CPEB3: variants seen among roughly 807,000 people sequenced by gnomAD.
CPEB3 encodes the protein cytoplasmic polyadenylation element-binding protein 3.
A neutral mutation model predicts 67.2 loss-of-function variants in CPEB3; 20 were observed. The observed-to-expected ratio is 0.30, with a 90% CI of 0.21 to 0.43. The LOEUF is 0.43. Ranked by LOEUF, CPEB3 falls within the 20% of genes least tolerant of loss-of-function variation. The probability of loss-of-function intolerance (pLI) is 1.00; values close to 1 mark genes in which losing one functional copy is unlikely to be tolerated. For missense variants in CPEB3, 746 were observed against 968.6 expected, an observed-to-expected ratio of 0.77 and a Z score of 3.05; for synonymous variants, 376 against 393.1, an observed-to-expected ratio of 0.96 and a Z score of 0.51.
chr10:92,113,038 C>A (rs1844829561), intron 6 of CPEB3, among the ~76,000 whole-genome samples: 1 of 152,034 alleles, frequency 6.6e-6, no homozygotes, highest in Admixed American at 6.6e-5. Context: ...AGCATCCAGG[C>A]AAATATAGCA....
intron 6 of CPEB3, chr10:92,138,181 C>T (rs936442909): frequency 1.9e-5 from 4 of 213,346 alleles, no homozygotes; most frequent in Non-Finnish European, 3.9e-5. Context: ...TCATGTGCAG[C>T]AGGTTTCTTC....
intron 1 of CPEB3, among the ~76,000 whole-genome samples, chr10:92,246,955 T>C (rs1240927197): frequency 2.0e-5 from 3 of 152,190 alleles, no homozygotes; most frequent in Non-Finnish European, 4.4e-5. Flanking sequence ...AAAATAAACT[T>C]TGGCTCTAAC....
intron 2 of CPEB3, among the ~76,000 whole-genome samples, chr10:92,195,049 ACAC>A (rs1849174064): frequency 3.8e-5 from 5 of 132,708 alleles, no homozygotes; most frequent in African/African-American, 1.5e-4. Context: ...CTCAAAAAAC[ACAC>A]ACACACACAC....
chr10:92,085,596 ATTCTTTTTTCTTTTTTCTTT>A (rs1196388468), intron 8 of CPEB3, among the ~76,000 whole-genome samples: 1 of 151,960 alleles, frequency 6.6e-6, no homozygotes, highest in Non-Finnish European at 1.5e-5. Context: ...TTTGCTCCTG[ATTCTTTTTTCTTTTTTCTTT>A]TTCTTTTTTT....
chr10:92,291,231 C>T (rs746842), upstream of CPEB3: 3 of 533,712 alleles, frequency 5.6e-6, no homozygotes, highest in Admixed American at 3.9e-5. Context: ...ACCGGAACCT[C>T]GGGCCGACGG....
chr10:92,092,696 C>T (rs1843670893), intron 7 of CPEB3, among the ~76,000 whole-genome samples: 2 of 152,012 alleles, frequency 1.3e-5, no homozygotes, highest in South Asian at 2.1e-4. Flanking sequence ...ATGAGAATCG[C>T]TTGAACCCAG....
intron 6 of CPEB3, chr10:92,119,089 T>TC: frequency 6.3e-7 from 1 of 1,583,578 alleles, no homozygotes; most frequent in Non-Finnish European, 8.7e-7. Context: ...GCCTGAAGAT[T>TC]CCCCAGCTAT....
chr10:92,238,046 G>C (rs1224429555), intron 2 of CPEB3, among the ~76,000 whole-genome samples: 2 of 152,134 alleles, frequency 1.3e-5, no homozygotes. Flanking sequence ...GTAATGTAAA[G>C]AGATGAAGAC....
rs532544259 is a variant in CPEB3, at chr10:92,145,103, G to C, written c.1223-18C>G. ...GAAGGCATCTTCAAAGGGAAAGAGAGAAGATCGACCTGAAACAAATGTGGG... is the reference window on the plus strand; with the variant it reads ...GAAGGCATCTTCAAAGGGAAAGAGACAAGATCGACCTGAAACAAATGTGGG... On this transcript the variant is annotated intron_variant, in intron 4 of 9. Coordinates refer to ENST00000265997, the MANE Select transcript of CPEB3 (RefSeq NM_014912.5). 2 of 1,613,454 alleles carry C rather than the reference G, an allele frequency of 1.2e-6. No individual in the cohort carries two copies. Among genetic ancestry groups the C allele is most frequent in the South Asian group, 2.2e-5 (2 of 91,008 alleles).
intron 1 of CPEB3, among the ~76,000 whole-genome samples, chr10:92,286,345 G>A (rs1198630319): frequency 6.6e-6 from 1 of 152,050 alleles, no homozygotes; most frequent in Non-Finnish European, 1.5e-5. Flanking sequence ...AGCACTTTGG[G>A]AGGCCAAGGC....
intron 5 of CPEB3, 101 bp downstream of exon 5, chr10:92,144,844 A>ATCATC: frequency 2.0e-6 from 2 of 1,017,056 alleles, no homozygotes; most frequent in Non-Finnish European, 3.0e-6. Flanking sequence ...CTATGCACTA[A>ATCATC]GATATAGATG....
chr10:92,279,830 C>T (rs1381105636), intron 1 of CPEB3, among the ~76,000 whole-genome samples: 3 of 151,922 alleles, frequency 2.0e-5, no homozygotes, highest in Admixed American at 6.6e-5. Flanking sequence ...GACAACATGG[C>T]GAAACCCCGT....
intron 7 of CPEB3, among the ~76,000 whole-genome samples, chr10:92,104,893 G>C (rs1417122153): frequency 4.6e-5 from 7 of 152,068 alleles, no homozygotes; most frequent in Admixed American, 4.6e-4. Context: ...TCCGAACCAT[G>C]ATTTCTTTTC....
In CPEB3 at chr10:92,250,712, CAG is replaced by C. The variant is rs767592161; in HGVS notation, c.-11-10353_-11-10352del. On this transcript the variant is annotated intron_variant, in intron 1 of 9. Coordinates refer to ENST00000265997, the MANE Select transcript of CPEB3 (RefSeq NM_014912.5). ...CATTTTTTGTTTGTTTGTTTTGAGA[CAG>C]AGTCTCACTCTGTTGCCCAGGCTGG... Among the ~76,000 whole-genome samples, 242 of 152,028 alleles carry C rather than the reference CAG, an allele frequency of 1.6e-3. 1 individual carries two copies. The highest frequency in any genetic ancestry group is 3.0e-3 in the Non-Finnish European group (205 of 67,978).
intron 3 of CPEB3, among the ~76,000 whole-genome samples, chr10:92,190,566 G>T (rs540641065): frequency 6.7e-6 from 1 of 149,696 alleles, no homozygotes; most frequent in African/African-American, 2.5e-5. Flanking sequence ...TCAGGAAGCT[G>T]AGGCAGGAGA....
In CPEB3 at chr10:92,047,071, T is replaced by C. The variant is rs1852135763; in HGVS notation, c.*5141A>G. The C allele has an allele frequency of 6.6e-6, 1 of 152,182 alleles. No individual in the cohort carries two copies. Among genetic ancestry groups the C allele is most frequent in the Non-Finnish European group, 1.5e-5 (1 of 68,014 alleles). 9.4% of individuals were successfully genotyped at this position (152,182 alleles called of 1,614,324 possible). The stretch of plus-strand genomic sequence containing the variant: ...CAGGAAAGAAAAAGAGCAGAAGTTA[T>C]CCTGTGTTAGCACCCAAGTTTTCTA... On this transcript the variant is annotated 3_prime_UTR_variant, in exon 10 of 10. Transcript: ENST00000265997.
intron 9 of CPEB3, among the ~76,000 whole-genome samples, chr10:92,056,198 T>C (rs1262432024): frequency 6.6e-6 from 1 of 152,112 alleles, no homozygotes; most frequent in Non-Finnish European, 1.5e-5. Context: ...GAGCAGAGGC[T>C]TGCCCAAAAA....
At chr10:92,088,646 A>C (rs1590108503) in intron 8 of CPEB3, among the ~76,000 whole-genome samples, 1 of 152,176 alleles carries the variant, frequency 6.6e-6, no homozygotes. Context: ...AAAAAAACTC[A>C]CAAGATCCAA....
At chr10:92,135,088 C>T (rs1846028307) in intron 6 of CPEB3, among the ~76,000 whole-genome samples, 1 of 152,158 alleles carries the variant, frequency 6.6e-6, no homozygotes, top group African/African-American at 2.4e-5. Context: ...AAATACCATT[C>T]AGGACATAGG....
Sources: gnomAD v4.1 joint callset for allele counts (sites outside exome capture counted in the v4.1 genomes callset) on GRCh38, gnomAD v4.1.1 for gene constraint, MANE v1.5 for transcripts, NCBI Gene and HGNC (gene_info 2026-07-23, HGNC 2026-07-21) for gene names.